TMEM65: variants seen among roughly 807,000 people sequenced by gnomAD.
TMEM65 encodes transmembrane protein 65.
Under a neutral mutation model 25.4 loss-of-function variants are expected in TMEM65, and 22 were observed. The observed-to-expected ratio is 0.86, with a 90% CI of 0.62 to 1.23. TMEM65 has a LOEUF of 1.23. Among genes scored for constraint, TMEM65 ranks in the 50% most tolerant of loss-of-function variants. TMEM65 has a pLI of 0.00. For synonymous variants in TMEM65, 132 were observed against 126.2 expected, an observed-to-expected ratio of 1.05 and a Z score of -0.31; for missense variants, 262 against 308.2, an observed-to-expected ratio of 0.85 and a Z score of 1.12.
At chr8:124,321,993 G>C (rs192897855) in intron 5 of TMEM65, 112 bp downstream of exon 5, 9,933 of 870,426 alleles carry the variant, frequency 0.011, 150 homozygotes, top group Non-Finnish European at 9.4e-3. Context: ...TTTAATTCTA[G>C]AAAACAAAGA....
At chr8:124,365,958 C>G (rs1384837611) in intron 1 of TMEM65, among the ~76,000 whole-genome samples, 2 of 152,208 alleles carry the variant, frequency 1.3e-5, no homozygotes, top group Non-Finnish European at 2.9e-5. Context: ...TGGAGGTTCA[C>G]GCCTGTAATC....
intron 2 of TMEM65, among the ~76,000 whole-genome samples, chr8:124,330,541 T>C (rs1437391618): frequency 1.3e-5 from 2 of 152,030 alleles, no homozygotes; most frequent in South Asian, 2.1e-4. Context: ...TAATATTAGA[T>C]ATTTTTAACA....
At chr8:124,343,340 C>G (rs1307722899) in intron 1 of TMEM65, among the ~76,000 whole-genome samples, 2 of 152,034 alleles carry the variant, frequency 1.3e-5, no homozygotes, top group Non-Finnish European at 2.9e-5. Flanking sequence ...TAAACTCTGA[C>G]TTGATTCAGT....
intron 4 of TMEM65, 56 bp from the exon 5 acceptor site, chr8:124,322,203 A>G (rs889008115): frequency 1.6e-5 from 21 of 1,315,566 alleles, no homozygotes; most frequent in Non-Finnish European, 2.2e-5. Flanking sequence ...TTATATCACT[A>G]TGTAATCAAT....
At chr8:124,324,956 G>A (rs944539342) in intron 3 of TMEM65, among the ~76,000 whole-genome samples, 1 of 151,792 alleles carries the variant, frequency 6.6e-6, no homozygotes, top group Non-Finnish European at 1.5e-5. Context: ...CAATTAAACT[G>A]TAAGTAAAGT....
intron 1 of TMEM65, among the ~76,000 whole-genome samples, chr8:124,336,773 G>A (rs1056451898): frequency 1.3e-5 from 2 of 151,778 alleles, no homozygotes; most frequent in African/African-American, 4.8e-5. Flanking sequence ...AAGCTACAGA[G>A]CAAAGTAAAC....
chr8:124,358,964 T>C (rs1028588867), intron 1 of TMEM65, among the ~76,000 whole-genome samples: 5 of 152,186 alleles, frequency 3.3e-5, no homozygotes, highest in Non-Finnish European at 7.3e-5. Context: ...ATTTGGAAGT[T>C]GTGACAGAAA....
At chr8:124,324,620 C>T (rs980039465) in intron 3 of TMEM65, among the ~76,000 whole-genome samples, 1 of 152,076 alleles carries the variant, frequency 6.6e-6, no homozygotes, top group African/African-American at 2.4e-5. Context: ...GCATCTTTAA[C>T]AGCAATGAAT....
chr8:124,316,984 A>G (rs559500015), intron 6 of TMEM65, among the ~76,000 whole-genome samples: 1 of 152,296 alleles, frequency 6.6e-6, no homozygotes, highest in African/African-American at 2.4e-5. Context: ...CTCTTCCTAC[A>G]TTTTGATTGA....
chr8:124,347,890 CT>C (rs10713773), intron 1 of TMEM65, among the ~76,000 whole-genome samples: 95,137 of 117,288 alleles, frequency 0.81, 37,630 homozygotes, highest in East Asian at 0.93. Flanking sequence ...AATAATTTTT[CT>C]TTTTTTTTTT....
In TMEM65 at chr8:124,308,188, G is replaced by A. The variant is rs1288137751; in HGVS notation, c.*5772C>T. 6.6e-6 allele frequency: 1 copy of A among 152,168 alleles called. No individual in the cohort carries two copies. The highest frequency in any genetic ancestry group is 1.9e-4 in the East Asian group (1 of 5,198). 9.4% of individuals were successfully genotyped at this position (152,168 alleles called of 1,614,324 possible). Reference sequence around the variant, plus strand: ...CAGTAAAGGACTGCCTTTTAAAGTTGTTTTGATACTGGACAATGCCCCTGG... The same window carrying A: ...CAGTAAAGGACTGCCTTTTAAAGTTATTTTGATACTGGACAATGCCCCTGG... On this transcript the variant is annotated 3_prime_UTR_variant, in exon 7 of 7. Transcript: ENST00000297632.
chr8:124,351,216 C>T (rs1814703354), intron 1 of TMEM65: 1 of 661,488 alleles, frequency 1.5e-6, no homozygotes, highest in South Asian at 6.8e-5. Flanking sequence ...GTGCCACATG[C>T]TAGTATACAG....
intron 1 of TMEM65, among the ~76,000 whole-genome samples, chr8:124,347,657 C>G (rs924322188): frequency 2.0e-5 from 3 of 152,012 alleles, no homozygotes; most frequent in Admixed American, 2.0e-4. Flanking sequence ...GGGAACTTAC[C>G]AAGCAACCTG....
chr8:124,355,691 T>G (rs1205886813), intron 1 of TMEM65, among the ~76,000 whole-genome samples: 1 of 152,202 alleles, frequency 6.6e-6, no homozygotes, highest in Non-Finnish European at 1.5e-5. Context: ...TCAATTCAAA[T>G]TGATGGCTTA....
rs891016485 is a variant in TMEM65 at position 124,371,616 on chromosome 8, C to T, written c.304+238G>A. ...CGGAGGCTGGGGAGGAAGTAGCTAGCGCTGGCCTCGGCTGCCTGGCACGAC... is the reference window on the plus strand; with the variant it reads ...CGGAGGCTGGGGAGGAAGTAGCTAGTGCTGGCCTCGGCTGCCTGGCACGAC... On this transcript the variant is annotated intron_variant, in intron 1 of 6. Coordinates refer to ENST00000297632, the MANE Select transcript of TMEM65 (RefSeq NM_194291.3). 9.2e-5 allele frequency among the ~76,000 whole-genome samples: 14 copies of T among 152,368 alleles called. No individual in the cohort carries two copies. The East Asian group carries it at 9.6e-4, about 10-fold the overall frequency.
rs1381410903 is a variant in TMEM65, at chr8:124,311,587, G to A, written c.*2373C>T. 6.6e-6 allele frequency: 1 copy of A among 152,406 alleles called. No individual in the cohort carries two copies. The highest frequency in any genetic ancestry group is 1.9e-4 in the East Asian group (1 of 5,198). 9.4% of individuals were successfully genotyped at this position (152,406 alleles called of 1,614,324 possible). On this transcript the variant is annotated 3_prime_UTR_variant, in exon 7 of 7. Coordinates refer to ENST00000297632, the MANE Select transcript of TMEM65 (RefSeq NM_194291.3). ...AACTATGGTTCTTGTGCTCCTAATAGAGAAGTAGCTAATATGAGAAACAAA... is the reference window on the plus strand; with the variant it reads ...AACTATGGTTCTTGTGCTCCTAATAAAGAAGTAGCTAATATGAGAAACAAA...
intron 1 of TMEM65, among the ~76,000 whole-genome samples, chr8:124,366,144 C>T (rs1456732028): frequency 6.6e-6 from 1 of 152,224 alleles, no homozygotes; most frequent in African/African-American, 2.4e-5. Flanking sequence ...ATCGCTTGAA[C>T]CCGGGAGGCA....
intron 5 of TMEM65, among the ~76,000 whole-genome samples, chr8:124,320,859 T>G (rs1814295845): frequency 6.6e-6 from 1 of 152,162 alleles, no homozygotes; most frequent in Admixed American, 6.6e-5. Context: ...ATGTGGTATT[T>G]GTTATTGAAT....
chr8:124,352,192 T>A (rs1449133708), intron 1 of TMEM65, among the ~76,000 whole-genome samples: 1 of 152,196 alleles, frequency 6.6e-6, no homozygotes, highest in Non-Finnish European at 1.5e-5. Flanking sequence ...TACTGAAAGT[T>A]ATACTGTTCT....
Sources: allele counts gnomAD v4.1 joint callset (sites outside exome capture counted in the v4.1 genomes callset), GRCh38; gene constraint gnomAD v4.1.1; transcripts MANE v1.5; gene names NCBI Gene and HGNC (gene_info 2026-07-23, HGNC 2026-07-21).